PDE4D: variants seen among roughly 807,000 people sequenced by gnomAD.
PDE4D encodes 3',5'-cyclic-AMP phosphodiesterase 4D.
A neutral mutation model predicts 87.4 loss-of-function variants in PDE4D; 24 were observed. That is an observed-to-expected ratio of 0.27 (90% CI 0.20 to 0.39). The LOEUF is 0.39. PDE4D is among the 10% of genes least tolerant of loss of function. PDE4D has a pLI of 1.00. For synonymous variants in PDE4D, 384 were observed against 383.2 expected, an observed-to-expected ratio of 1.00 and a Z score of -0.02; for missense variants, 714 against 1,041.0, an observed-to-expected ratio of 0.69 and a Z score of 4.32.
At chr5:60,026,311 C>T (rs1250402681) in intron 2 of PDE4D, among the ~76,000 whole-genome samples, 1 of 152,094 alleles carries the variant, frequency 6.6e-6, no homozygotes, top group Non-Finnish European at 1.5e-5. Context: ...TAGACAAGTG[C>T]TCCAATGACT....
At chr5:59,351,119 C>G (rs1780465939) in intron 1 of PDE4D, among the ~76,000 whole-genome samples, 1 of 152,138 alleles carries the variant, frequency 6.6e-6, no homozygotes, top group African/African-American at 2.4e-5. Context: ...GCAGGTAGTC[C>G]TGCATTCACG....
chr5:59,526,685 G>T (rs569321333), intron 1 of PDE4D, among the ~76,000 whole-genome samples: 3 of 152,116 alleles, frequency 2.0e-5, no homozygotes, highest in Admixed American at 6.5e-5. Flanking sequence ...ATGCAGTGGC[G>T]TGATCTCGGC....
At chr5:60,293,015 C>A (rs1258898538) in intron 1 of PDE4D, among the ~76,000 whole-genome samples, 1 of 142,592 alleles carries the variant, frequency 7.0e-6, no homozygotes, top group East Asian at 2.1e-4. Context: ...AAATTCCCCC[C>A]TTTTTTTTTT....
intron 2 of PDE4D, among the ~76,000 whole-genome samples, chr5:60,107,746 G>C (rs192244246): frequency 6.6e-6 from 1 of 151,926 alleles, no homozygotes; most frequent in African/African-American, 2.4e-5. Context: ...AAACAGAACC[G>C]AAGACAAAAA....
intron 1 of PDE4D, among the ~76,000 whole-genome samples, chr5:59,665,962 G>GT (rs1282573987): frequency 6.6e-6 from 1 of 152,012 alleles, no homozygotes; most frequent in East Asian, 1.9e-4. Context: ...AAGCTACCCA[G>GT]TTTTTTGTTT....
chr5:60,313,701 C>T (rs1755257001), intron 1 of PDE4D, among the ~76,000 whole-genome samples: 1 of 152,112 alleles, frequency 6.6e-6, no homozygotes, highest in South Asian at 2.1e-4. Flanking sequence ...TACTAGCAAA[C>T]TATGTCCTGG....
rs150154302 is a variant in PDE4D at position 59,311,892 on chromosome 5, A to G, written c.456-95924T>C. Among the ~76,000 whole-genome samples the G allele has an allele frequency of 5.1e-3, 776 of 152,200 alleles. 6 individuals are homozygous for G. The highest frequency in any genetic ancestry group is 0.018 in the African/African-American group (736 of 41,542). On this transcript the variant is annotated intron_variant, in intron 1 of 14. Transcript: ENST00000340635. Reference sequence around the variant, plus strand: ...CCTCACATCCTAGCTATGCTTAGCCATCTCCTCCAGGGCCCTGCATCGGCC... The same window carrying G: ...CCTCACATCCTAGCTATGCTTAGCCGTCTCCTCCAGGGCCCTGCATCGGCC...
chr5:59,935,270 G>A (rs1756441769), intron 3 of PDE4D, among the ~76,000 whole-genome samples: 1 of 152,060 alleles, frequency 6.6e-6, no homozygotes, highest in African/African-American at 2.4e-5. Context: ...ATGAGAAAAT[G>A]TCAGAGAACA....
chr5:60,110,997 A>T (rs973088096), intron 2 of PDE4D, among the ~76,000 whole-genome samples: 6 of 152,004 alleles, frequency 3.9e-5, no homozygotes, highest in African/African-American at 1.4e-4. Flanking sequence ...GGTATTAGAG[A>T]TTGGGAAGGA....
At chr5:60,145,415 T>C (rs972572580) in intron 2 of PDE4D, among the ~76,000 whole-genome samples, 4 of 152,184 alleles carry the variant, frequency 2.6e-5, no homozygotes, top group Non-Finnish European at 5.9e-5. Flanking sequence ...GAGATTTTAA[T>C]TACCAAAGTC....
At position 59,386,371 on chromosome 5, in the gene PDE4D, A is replaced by C. The variant is rs909022307; in HGVS notation, c.456-170403T>G. ...TTGTAAATATGGCTTCAAAATCTTA[A>C]AGAAAATATTTCTTTTTATTACGTG... On this transcript the variant is annotated intron_variant, in intron 1 of 14. Transcript: ENST00000340635. 9.2e-5 allele frequency among the ~76,000 whole-genome samples: 14 copies of C among 152,318 alleles called. No homozygotes were observed. The East Asian group carries it at 2.7e-3, about 29-fold the overall frequency.
chr5:59,438,687 C>A (rs567205965), intron 1 of PDE4D, among the ~76,000 whole-genome samples: 1 of 152,148 alleles, frequency 6.6e-6, no homozygotes, highest in African/African-American at 2.4e-5. Flanking sequence ...GTTGCCTCAA[C>A]CACTTCTGAA....
At chr5:59,980,716 T>C (rs1001857210) in intron 3 of PDE4D, among the ~76,000 whole-genome samples, 1 of 152,194 alleles carries the variant, frequency 6.6e-6, no homozygotes, top group Non-Finnish European at 1.5e-5. Context: ...AAAGGTACTG[T>C]GATAACCTGA....
At chr5:59,367,237 T>C (rs182177633) in intron 1 of PDE4D, among the ~76,000 whole-genome samples, 1 of 152,370 alleles carries the variant, frequency 6.6e-6, no homozygotes. Flanking sequence ...GTTAATACTT[T>C]GTTTAAAAGC....
intron 1 of PDE4D, among the ~76,000 whole-genome samples, chr5:59,296,231 T>C (rs1190226055): frequency 6.6e-6 from 1 of 152,006 alleles, no homozygotes; most frequent in East Asian, 1.9e-4. Flanking sequence ...AGTAGGGTAA[T>C]ATTTACTTTA....
chr5:60,415,295 C>T (rs1046903409), intron 1 of PDE4D, among the ~76,000 whole-genome samples: 1 of 152,278 alleles, frequency 6.6e-6, no homozygotes, highest in Non-Finnish European at 1.5e-5. Context: ...AGCATGCTGA[C>T]AGCCCTCACA....
rs1228746556 is a variant in PDE4D, at chr5:59,244,725, T to TAG, written c.456-28759_456-28758dup. The stretch of plus-strand genomic sequence containing the variant: ...GTGTGTGTGTGTGTGTGTGTGTGTA[T>TAG]AGAGAGACCGACCTGATTTCATCTG... On this transcript the variant is annotated intron_variant, in intron 1 of 14. Coordinates refer to ENST00000340635, the MANE Select transcript of PDE4D (RefSeq NM_001104631.2). Among the ~76,000 whole-genome samples the TAG allele has an allele frequency of 2.3e-5, 3 of 130,302 alleles. No individual in the cohort carries two copies. In the South Asian group the frequency reaches 7.3e-4, roughly 32 times the overall value. 85.5% of individuals were successfully genotyped at this position (130,302 alleles called of 152,430 possible). A position where few individuals can be genotyped will look rare whatever the true frequency, so the allele number is the denominator to read the frequency against.
At chr5:59,689,522 C>G (rs911408130) in intron 1 of PDE4D, among the ~76,000 whole-genome samples, 12 of 152,154 alleles carry the variant, frequency 7.9e-5, no homozygotes, top group African/African-American at 1.9e-4. Context: ...ATTCAACAAC[C>G]CTTCATGCTA....
intron 2 of PDE4D, among the ~76,000 whole-genome samples, chr5:60,135,367 C>T (rs1240056398): frequency 2.6e-5 from 4 of 152,274 alleles, no homozygotes; most frequent in African/African-American, 9.6e-5. Context: ...TGGATAAAGT[C>T]AGATCTAATT....
Sources: allele counts gnomAD v4.1 joint callset (sites outside exome capture counted in the v4.1 genomes callset), GRCh38; gene constraint gnomAD v4.1.1; transcripts MANE v1.5; gene names NCBI Gene and HGNC (gene_info 2026-07-23, HGNC 2026-07-21).